MSRA: variants seen among roughly 807,000 people sequenced by gnomAD.
MSRA encodes the protein methionine sulfoxide reductase A, also known as mitochondrial peptide methionine sulfoxide reductase.
In MSRA, 54 loss-of-function variants were observed where a neutral mutation model predicts 31.3. That is an observed-to-expected ratio of 1.73 (90% confidence interval 1.39 to 2.17). The LOEUF is 2.17. Among genes scored for constraint, MSRA ranks in the 30% most tolerant of loss-of-function variants. The pLI, the probability that MSRA is intolerant of heterozygous loss-of-function variation, is 0.00. For missense variants in MSRA, 507 were observed against 300.9 expected (o/e 1.69, Z -5.07); for synonymous variants, 169 against 116.5 (o/e 1.45, Z -2.90).
In MSRA at chr8:10,156,276, A is replaced by G. The variant is rs78919889; in HGVS notation, c.143-51557A>G. The stretch of plus-strand genomic sequence containing the variant: ...TCGGGGAAATGTGAGTGTGGACTGT[A>G]TGTTGGATGATGGTATTGAATCACC... On this transcript the variant is annotated intron_variant, in intron 1 of 5. Transcript: ENST00000317173. 2.6e-3 allele frequency among the ~76,000 whole-genome samples: 393 copies of G among 152,322 alleles called. 1 individual carries two copies. The highest frequency in any genetic ancestry group is 9.0e-3 in the African/African-American group (373 of 41,578).
intron 1 of MSRA, among the ~76,000 whole-genome samples, chr8:10,086,569 A>G (rs1409101098): frequency 1.3e-5 from 2 of 152,214 alleles, no homozygotes; most frequent in Non-Finnish European, 2.9e-5. Context: ...TTCCTCATCC[A>G]TAAAGTAATA....
intron 2 of MSRA, among the ~76,000 whole-genome samples, chr8:10,208,277 T>C (rs965767384): frequency 2.0e-5 from 3 of 152,144 alleles, no homozygotes; most frequent in Middle Eastern, 3.2e-3. Flanking sequence ...TTTTGACTTA[T>C]TATTACACAA....
chr8:10,222,744 C>G (rs183316266), intron 2 of MSRA, among the ~76,000 whole-genome samples: 5 of 152,252 alleles, frequency 3.3e-5, no homozygotes, highest in Non-Finnish European at 5.9e-5. Flanking sequence ...CATAGAAAAA[C>G]AAATAGTGCG....
chr8:10,234,311 A>G (rs1811754594), intron 2 of MSRA, among the ~76,000 whole-genome samples: 1 of 152,176 alleles, frequency 6.6e-6, no homozygotes, highest in South Asian at 2.1e-4. Flanking sequence ...GCAAATCTTT[A>G]CACTGCGGTA....
chr8:10,392,261 T>C (rs1411456949), intron 5 of MSRA, among the ~76,000 whole-genome samples: 1 of 152,234 alleles, frequency 6.6e-6, no homozygotes, highest in Non-Finnish European at 1.5e-5. Flanking sequence ...TTTTAAGAAC[T>C]TAAATGCCAG....
chr8:10,126,701 G>A (rs1394919459), intron 1 of MSRA, among the ~76,000 whole-genome samples: 1 of 152,044 alleles, frequency 6.6e-6, no homozygotes, highest in African/African-American at 2.4e-5. Context: ...TTTAGTAGAG[G>A]TGGGATTTTG....
intron 1 of MSRA, among the ~76,000 whole-genome samples, chr8:10,196,411 C>A (rs1807993800): frequency 6.6e-6 from 1 of 152,046 alleles, no homozygotes; most frequent in South Asian, 2.1e-4. Context: ...GGACTCTGTA[C>A]AACACTGAGA....
intron 5 of MSRA, among the ~76,000 whole-genome samples, chr8:10,330,532 C>A (rs566059862): frequency 4.6e-5 from 7 of 152,176 alleles, no homozygotes; most frequent in African/African-American, 1.7e-4. Flanking sequence ...TAATTATGTA[C>A]AGATTCATTG....
intron 3 of MSRA, among the ~76,000 whole-genome samples, chr8:10,274,256 C>T (rs2975657): frequency 0.99 from 151,271 of 152,326 alleles, 75,118 homozygotes; most frequent in Middle Eastern, 1. Flanking sequence ...TGGGTATGTA[C>T]GGTGGGCCAG....
intron 4 of MSRA, among the ~76,000 whole-genome samples, chr8:10,305,989 T>TAAC (rs1801119127): frequency 6.6e-6 from 1 of 152,246 alleles, no homozygotes. Flanking sequence ...TCCCACTGTT[T>TAAC]AAGCCAATAG....
rs116333854 is a variant in MSRA, at chr8:10,293,546, T to C, written c.332-7988T>C. ...CAGTCCAGCCTCCCCCACTTGATAT[T>C]TGAATGATTTTGGACGAGCACTGTG... On this transcript the variant is annotated intron_variant, in intron 3 of 5. Transcript: ENST00000317173. Among the ~76,000 whole-genome samples the C allele has an allele frequency of 6.2e-3, 939 of 152,304 alleles. 8 individuals carry two copies. Among genetic ancestry groups the C allele is most frequent in the African/African-American group, 0.018 (733 of 41,566 alleles).
chr8:10,381,528 C>T (rs1425761572), intron 5 of MSRA, among the ~76,000 whole-genome samples: 2 of 152,182 alleles, frequency 1.3e-5, no homozygotes, highest in Admixed American at 1.3e-4. Context: ...AGTGAGTTTC[C>T]ATCACCCTTC....
intron 1 of MSRA, among the ~76,000 whole-genome samples, chr8:10,154,038 G>T (rs1453898227): frequency 6.6e-6 from 1 of 152,190 alleles, no homozygotes; most frequent in Non-Finnish European, 1.5e-5. Context: ...TTGGCTTCAG[G>T]AATCTGTACC....
At chr8:10,332,932 T>C (rs1802789318) in intron 5 of MSRA, among the ~76,000 whole-genome samples, 1 of 152,208 alleles carries the variant, frequency 6.6e-6, no homozygotes. Flanking sequence ...AGTGGCAGGA[T>C]ATGAGTCCCT....
At chr8:10,235,146 A>G (rs530619648) in intron 2 of MSRA, among the ~76,000 whole-genome samples, 1 of 152,312 alleles carries the variant, frequency 6.6e-6, no homozygotes, top group East Asian at 1.9e-4. Flanking sequence ...CACATAGAAT[A>G]GTTACAAAAA....
At chr8:10,348,866 A>C (rs990506648) in intron 5 of MSRA, among the ~76,000 whole-genome samples, 1 of 152,210 alleles carries the variant, frequency 6.6e-6, no homozygotes, top group African/African-American at 2.4e-5. Flanking sequence ...ATGAGTGTGC[A>C]TAACGATCTC....
intron 1 of MSRA, among the ~76,000 whole-genome samples, chr8:10,068,624 T>G (rs1284089362): frequency 6.6e-6 from 1 of 152,216 alleles, no homozygotes; most frequent in Non-Finnish European, 1.5e-5. Flanking sequence ...CATATTTATG[T>G]GGGTCTATTT....
intron 5 of MSRA, among the ~76,000 whole-genome samples, chr8:10,323,108 A>AAG (rs1554526479): frequency 6.7e-6 from 1 of 148,162 alleles, no homozygotes; most frequent in Admixed American, 6.7e-5. Flanking sequence ...AAAAAAAAAA[A>AAG]TGCAGAAGAG....
chr8:10,363,170 T>A (rs1266780662), intron 5 of MSRA, among the ~76,000 whole-genome samples: 1 of 152,198 alleles, frequency 6.6e-6, no homozygotes. Context: ...GGTCCTTGGG[T>A]ACTTGAAGCC....
Sources: gnomAD v4.1 joint callset for allele counts (sites outside exome capture counted in the v4.1 genomes callset) on GRCh38, gnomAD v4.1.1 for gene constraint, MANE v1.5 for transcripts, NCBI Gene and HGNC (gene_info 2026-07-23, HGNC 2026-07-21) for gene names.